Variants in NTM observed in about 807,000 individuals in gnomAD.
NTM encodes the protein neurotrimin, also known as IgLON family member 2.
NTM carries 13 observed loss-of-function variants against 42.1 expected under a neutral mutation model. The observed-to-expected ratio is 0.31, with a 90% CI of 0.20 to 0.49. The LOEUF (loss-of-function observed/expected upper bound fraction) is 0.49, where lower values mean the gene tolerates loss of function less well. NTM is among the 20% of genes least tolerant of loss of function. NTM has a pLI of 0.99. For missense variants in NTM, 373 were observed against 452.8 expected (o/e 0.82, Z 1.60); for synonymous variants, 187 against 179.2 (o/e 1.04, Z -0.35).
At chr11:132,104,972 TA>T (rs2062150670) in intron 2 of NTM, among the ~76,000 whole-genome samples, 1 of 121,600 alleles carries the variant, frequency 8.2e-6, no homozygotes, top group Non-Finnish European at 1.7e-5. Flanking sequence ...TATATATATA[TA>T]TATATATATA....
chr11:131,887,050 T>A (rs2050522169), intron 1 of NTM, among the ~76,000 whole-genome samples: 2 of 152,212 alleles, frequency 1.3e-5, no homozygotes, highest in Admixed American at 6.5e-5. Flanking sequence ...GATGAATAAG[T>A]TCTGGAGAAG....
intron 1 of NTM, among the ~76,000 whole-genome samples, chr11:131,448,530 G>C (rs1024349913): frequency 6.6e-6 from 1 of 152,218 alleles, no homozygotes; most frequent in African/African-American, 2.4e-5. Flanking sequence ...AGACCTTATG[G>C]GTGCTCATGG....
At position 132,314,588 on chromosome 11, in the gene NTM, C is replaced by G. The variant is rs775322072; in HGVS notation, c.819C>G (p.Asn273Lys). The G allele has an allele frequency of 2.5e-6, 4 of 1,613,482 alleles. No homozygotes were observed. The highest frequency in any genetic ancestry group is 2.5e-6 in the Non-Finnish European group (3 of 1,179,694). ...GAAAGAAAGGGGTGAAAGTGGAAAA[C>G]AGACCTTTCCTCTCAAAACTCATCT... is the stretch of plus-strand genomic sequence containing the variant. ...IEGKKGVKVE[N>K]RPFLSKLIFF... The change falls in exon 7 of 9, where the codon AAC becomes AAG. Residue 273 changes from asparagine to lysine, a missense_variant. Asn to Lys is a moderately conservative substitution (Grantham distance 94). This residue lies in a region of NTM where 312 missense variants were observed against 353.5 expected (regional missense o/e 0.88). Coordinates refer to ENST00000683400, the MANE Select transcript of NTM (RefSeq NM_001352005.2).
chr11:132,071,036 C>G (rs2057551443), intron 2 of NTM, among the ~76,000 whole-genome samples: 1 of 141,792 alleles, frequency 7.1e-6, no homozygotes, highest in South Asian at 2.5e-4. Context: ...ACACGTCACT[C>G]AGCCAAGTTA....
chr11:131,777,495 A>G (rs892997527), intron 1 of NTM, among the ~76,000 whole-genome samples: 20 of 124,980 alleles, frequency 1.6e-4, no homozygotes, highest in African/African-American at 5.5e-4. Flanking sequence ...ATGCAGTGCC[A>G]GGCTCTTCTC....
chr11:131,969,623 G>T (rs1453404525), intron 2 of NTM, among the ~76,000 whole-genome samples: 1 of 152,156 alleles, frequency 6.6e-6, no homozygotes, highest in Admixed American at 6.5e-5. Context: ...TGTGGCATAT[G>T]ATGTGAATAG....
chr11:131,393,602 C>T (rs930704436), intron 1 of NTM, among the ~76,000 whole-genome samples: 11 of 152,196 alleles, frequency 7.2e-5, no homozygotes, highest in Non-Finnish European at 7.3e-5. Context: ...CTACTGCCCC[C>T]ACCACCACCT....
At chr11:131,995,024 C>T (rs2135175882) in intron 2 of NTM, among the ~76,000 whole-genome samples, 1 of 152,152 alleles carries the variant, frequency 6.6e-6, no homozygotes, top group Non-Finnish European at 1.5e-5. Context: ...ACTGTTGTTC[C>T]CTCTTATTTG....
At chr11:131,571,359 C>T (rs750913920) in intron 1 of NTM, among the ~76,000 whole-genome samples, 130 of 152,156 alleles carry the variant, frequency 8.5e-4, no homozygotes, top group Non-Finnish European at 1.1e-3. Context: ...TAACACGAAT[C>T]CCCAAAATCC....
At chr11:131,747,050 TTATACA>T (rs1400392896) in intron 1 of NTM, among the ~76,000 whole-genome samples, 1 of 152,236 alleles carries the variant, frequency 6.6e-6, no homozygotes, top group Non-Finnish European at 1.5e-5. Context: ...AAGCATTCTG[TTATACA>T]TATATGTTAA....
rs1566484353 is a variant in NTM, at chr11:132,212,123, A to G, written c.502A>G (p.Thr168Ala). The change falls in exon 4 of 9, where the codon ACT becomes GCT. Residue 168 changes from threonine to alanine, a missense_variant. Coordinates refer to ENST00000683400, the MANE Select transcript of NTM (RefSeq NM_001352005.2). ...AACTGGTAGACCAGAGCCTACGGTT[A>G]CTTGGAGACACATCTCTCCCAAAGG... is the stretch of plus-strand genomic sequence containing the variant. ...IATGRPEPTV[T>A]WRHISPKAVG... is the part of the protein sequence containing the mutation. The G allele has an allele frequency of 1.2e-6, 2 of 1,613,240 alleles. No homozygotes were observed. The highest frequency in any genetic ancestry group is 2.2e-5 in the East Asian group (1 of 44,844).
At chr11:131,416,182 CTTCTT>C in intron 1 of NTM, among the ~76,000 whole-genome samples, 1 of 150,076 alleles carries the variant, frequency 6.7e-6, no homozygotes, top group South Asian at 2.1e-4. Context: ...TAGGAAGTTT[CTTCTT>C]TTCATGTTTT....
intron 1 of NTM, among the ~76,000 whole-genome samples, chr11:131,620,958 G>T (rs138222714): frequency 0.011 from 1,605 of 152,240 alleles, 32 homozygotes; most frequent in African/African-American, 0.037. Flanking sequence ...GAATCATAAC[G>T]ATAAATTACG....
intron 1 of NTM, among the ~76,000 whole-genome samples, chr11:131,846,829 C>T (rs929214271): frequency 2.0e-5 from 3 of 151,910 alleles, no homozygotes; most frequent in Admixed American, 6.6e-5. Flanking sequence ...GGGAGCTGAG[C>T]CCTAGGCTCA....
intron 1 of NTM, among the ~76,000 whole-genome samples, chr11:131,733,787 C>A (rs1021150762): frequency 1.3e-4 from 20 of 152,116 alleles, no homozygotes; most frequent in African/African-American, 4.8e-4. Context: ...ATCCACCTGC[C>A]TCGGCCTTCC....
rs549417707 is a variant in NTM, at chr11:132,082,669, A to C, written c.168-63613A>C. Among the ~76,000 whole-genome samples the C allele has an allele frequency of 1.4e-4, 21 of 152,228 alleles. No homozygotes were observed. The East Asian group carries it at 4.1e-3, about 29-fold the overall frequency. On this transcript the variant is annotated intron_variant, in intron 2 of 8. Transcript: ENST00000683400. ...TCCCCCATGTAAAGAAGTACATATA[A>C]CTGCTGTTAGAATAAGGACAAGGAT... is the stretch of plus-strand genomic sequence containing the variant.
chr11:132,090,785 A>G (rs1470949721), intron 2 of NTM, among the ~76,000 whole-genome samples: 2 of 151,990 alleles, frequency 1.3e-5, no homozygotes, highest in Non-Finnish European at 2.9e-5. Context: ...CTGTCCTCCT[A>G]TCACATTCTC....
intron 2 of NTM, among the ~76,000 whole-genome samples, chr11:132,132,109 C>T (rs1172303046): frequency 2.0e-5 from 3 of 152,128 alleles, no homozygotes; most frequent in East Asian, 1.9e-4. Flanking sequence ...TTCAAGTGCC[C>T]GAGGATACAT....
At chr11:132,026,313 T>A (rs113681852) in intron 2 of NTM, among the ~76,000 whole-genome samples, 39 of 152,292 alleles carry the variant, frequency 2.6e-4, no homozygotes, top group African/African-American at 8.2e-4. Flanking sequence ...AAGCAGCTGT[T>A]AAATGCCCCT....
Sources: gnomAD v4.1 joint callset for allele counts (sites outside exome capture counted in the v4.1 genomes callset) on GRCh38, gnomAD v4.1.1 for gene constraint, gnomAD v4.1.1 regional missense constraint, MANE v1.5 for transcripts, NCBI Gene and HGNC (gene_info 2026-07-23, HGNC 2026-07-21) for gene names.